Variants in LOC400499 observed in about 807,000 individuals in gnomAD.
chr16:11,522,209 T>C, the LOC400499 span: 1 of 398,060 alleles, frequency 2.5e-6, no homozygotes, highest in Non-Finnish European at 4.4e-6. Context: ...CACCTCTCTC[T>C]CTCCATCTGG....
the LOC400499 span, among the ~76,000 whole-genome samples, chr16:11,407,818 C>T: frequency 0.55 from 83,376 of 151,866 alleles, 23,094 homozygotes; most frequent in Middle Eastern, 0.6. Context: ...TATTTTATTA[C>T]GGGTTGCTGC....
chr16:11,456,147 C>G, the LOC400499 span, among the ~76,000 whole-genome samples: 1 of 151,508 alleles, frequency 6.6e-6, no homozygotes, highest in Non-Finnish European at 1.5e-5. Flanking sequence ...TGGGTTCAAG[C>G]GATCCTCCTG....
chr16:11,471,772 G>A, the LOC400499 span: 155 of 399,172 alleles, frequency 3.9e-4, 1 homozygote, highest in Non-Finnish European at 5.9e-4. Flanking sequence ...GCCAGGCACC[G>A]GCCAGGTCAC....
the LOC400499 span, chr16:11,477,756 C>G: frequency 2.5e-6 from 1 of 398,014 alleles, no homozygotes. Flanking sequence ...ACCCAGGCCT[C>G]TGCAGCCCTC....
the LOC400499 span, among the ~76,000 whole-genome samples, chr16:11,448,540 AAACAAACAAACAAAC>A: frequency 1.3e-5 from 2 of 151,018 alleles, no homozygotes; most frequent in Non-Finnish European, 1.5e-5. Context: ...ACAAACAAAC[AAACAAACAAACAAAC>A]AAACAAACAA....
the LOC400499 span, among the ~76,000 whole-genome samples, chr16:11,491,199 C>T: frequency 6.6e-6 from 1 of 152,184 alleles, no homozygotes; most frequent in Admixed American, 6.5e-5. Context: ...TCTCAGGCTC[C>T]AGGCTCTCAC....
chr16:11,500,374 G>T, the LOC400499 span, among the ~76,000 whole-genome samples: 1 of 152,120 alleles, frequency 6.6e-6, no homozygotes, highest in Admixed American at 6.6e-5. Context: ...AGCCAGGTGG[G>T]GTGGTGCATT....
At chr16:11,395,435 G>A in the LOC400499 span, among the ~76,000 whole-genome samples, 390 of 152,316 alleles carry the variant, frequency 2.6e-3, 2 homozygotes, top group Middle Eastern at 0.01. Context: ...GTTCCATCAG[G>A]CACGGGGCTT....
At chr16:11,483,964 T>A in the LOC400499 span, among the ~76,000 whole-genome samples, 1 of 149,070 alleles carries the variant, frequency 6.7e-6, no homozygotes, top group Non-Finnish European at 1.5e-5. Context: ...CACTAGTTTC[T>A]GGGGACAGAG....
At chr16:11,524,361 G>GCCCCCCCCCCCCCCCCCCCCCC in the LOC400499 span, among the ~76,000 whole-genome samples, 1 of 93,740 alleles carries the variant, frequency 1.1e-5, no homozygotes, top group African/African-American at 6.3e-5. Flanking sequence ...CATCCACCCA[G>GCCCCCCCCCCCCCCCCCCCCCC]CCACCCACCC....
the LOC400499 span, among the ~76,000 whole-genome samples, chr16:11,491,346 C>A: frequency 1.3e-5 from 2 of 152,174 alleles, no homozygotes; most frequent in Non-Finnish European, 2.9e-5. Context: ...CGCCATCCCT[C>A]TTCTATCTTA....
the LOC400499 span, among the ~76,000 whole-genome samples, chr16:11,408,326 T>TA: frequency 6.6e-6 from 1 of 152,126 alleles, no homozygotes. Context: ...GTCATTTCGT[T>TA]AGTGATACCC....
chr16:11,477,420 G>T, the LOC400499 span, among the ~76,000 whole-genome samples: 1 of 152,242 alleles, frequency 6.6e-6, no homozygotes, highest in Non-Finnish European at 1.5e-5. Flanking sequence ...GCCCCAGGCT[G>T]TCAGTGTCCT....
At chr16:11,506,747 G>T in the LOC400499 span, among the ~76,000 whole-genome samples, 5 of 152,170 alleles carry the variant, frequency 3.3e-5, no homozygotes, top group African/African-American at 9.7e-5. Context: ...CTGAGTCCTG[G>T]TTTTGTTTCC....
the LOC400499 span, among the ~76,000 whole-genome samples, chr16:11,507,592 G>C: frequency 6.6e-6 from 1 of 152,176 alleles, no homozygotes; most frequent in Non-Finnish European, 1.5e-5. Context: ...ACGCAAGTGA[G>C]GCCCCGGAGC....
the LOC400499 span, among the ~76,000 whole-genome samples, chr16:11,425,872 C>T: frequency 6.6e-6 from 1 of 152,058 alleles, no homozygotes; most frequent in Non-Finnish European, 1.5e-5. Flanking sequence ...AACCTCATAC[C>T]AAACCTGACG....
the LOC400499 span, chr16:11,470,519 G>A: frequency 6.6e-6 from 1 of 152,182 alleles, no homozygotes; most frequent in African/African-American, 2.4e-5. Context: ...TTGTACCCCA[G>A]TCCAAGGCTT....
chr16:11,374,665 T>C, the LOC400499 span, among the ~76,000 whole-genome samples: 1 of 151,590 alleles, frequency 6.6e-6, no homozygotes, highest in Admixed American at 6.6e-5. Flanking sequence ...AGAATTTCCT[T>C]CGTTTTTAAG....
the LOC400499 span, among the ~76,000 whole-genome samples, chr16:11,438,594 G>C: frequency 1.6e-5 from 2 of 122,256 alleles, no homozygotes; most frequent in Non-Finnish European, 3.2e-5. Context: ...AACATAGCGA[G>C]ACCCTGTCTC....
Sources: gnomAD v4.1 joint callset for allele counts (sites outside exome capture counted in the v4.1 genomes callset) on GRCh38, gnomAD v4.1.1 for gene constraint, MANE v1.5 for transcripts.